Variants in ALMS1 observed in about 807,000 individuals in gnomAD.
ALMS1 encodes ALMS1 centrosome and basal body associated protein.
In ALMS1, 271 loss-of-function variants were observed where a neutral mutation model predicts 352.2. The ratio of observed to expected loss-of-function variants is 0.77; its 90% CI spans 0.70 to 0.85. The LOEUF (loss-of-function observed/expected upper bound fraction) is 0.85. Among genes scored for constraint, ALMS1 ranks in the 40% least tolerant of loss-of-function variants. The pLI is 0.00. For synonymous variants in ALMS1, 1,865 were observed against 1,761.2 expected (o/e 1.06, Z -1.48); for missense variants, 5,445 against 4,870.7 (o/e 1.12, Z -3.51).
rs765190182 is a variant in ALMS1, at chr2:73,452,530, G to C, written c.6003G>C (p.Val2001=). ...AAGAGAAACTCAAGATTTCAACTGTGCATATACCAGATGACCAGAAAACTG... is the reference window on the plus strand; with the variant it reads ...AAGAGAAACTCAAGATTTCAACTGTCCATATACCAGATGACCAGAAAACTG... ...SHKEKLKIST[V]HIPDDQKTEF... The change falls in exon 8 of 23, where the codon GTG becomes GTC. Residue 2001 remains valine (V), a synonymous_variant. Transcript: ENST00000613296. 1.9e-6 allele frequency: 3 copies of C among 1,614,014 alleles called. No individual in the cohort carries two copies. The highest frequency in any genetic ancestry group is 4.5e-5 in the East Asian group (2 of 44,872).
intron 16 of ALMS1, among the ~76,000 whole-genome samples, chr2:73,582,615 ATGCAGATTTGTCTTTTTGTGACTGAC>A (rs1241538177): frequency 1.3e-5 from 2 of 152,234 alleles, no homozygotes; most frequent in African/African-American, 4.8e-5. Context: ...GAGTGTAATC[ATGCAGATTTGTCTTTTTGTGACTGAC>A]TTGTTTCACT....
intron 16 of ALMS1, among the ~76,000 whole-genome samples, chr2:73,576,745 C>T (rs548973766): frequency 2.6e-5 from 4 of 151,804 alleles, no homozygotes; most frequent in Non-Finnish European, 4.4e-5. Context: ...TTCAGCCTCC[C>T]GAGTAGCTGG....
Position 73,609,781 on chromosome 2 carries a change from T to C in ALMS1, c.*169T>C, listed in dbSNP as rs1675899527. Reference sequence around the variant, plus strand: ...ACAAAGTGGTGATTAAAATTCCTAATGGTTTGGGAGCAATACTTTCTGCAT... The same window carrying C: ...ACAAAGTGGTGATTAAAATTCCTAACGGTTTGGGAGCAATACTTTCTGCAT... On this transcript the variant is annotated 3_prime_UTR_variant, in exon 23 of 23. Coordinates refer to ENST00000613296, the MANE Select transcript of ALMS1 (RefSeq NM_001378454.1). 2 of 690,734 alleles carry C rather than the reference T, an allele frequency of 2.9e-6. No homozygotes were observed. The highest frequency in any genetic ancestry group is 5.0e-6 in the Non-Finnish European group (2 of 397,288). The allele number at this position is 690,734 out of a possible 1,614,324, so 42.8% of individuals were successfully genotyped here. A position where few individuals can be genotyped will look rare whatever the true frequency, so the allele number is the denominator to read the frequency against.
intron 9 of ALMS1, among the ~76,000 whole-genome samples, chr2:73,474,031 CAAAG>C (rs777667128): frequency 6.6e-6 from 1 of 152,056 alleles, no homozygotes; most frequent in Non-Finnish European, 1.5e-5. Flanking sequence ...GGGTTAAACT[CAAAG>C]AGACCCACAC....
chr2:73,510,029 GCTT>G (rs1673416562), intron 10 of ALMS1, among the ~76,000 whole-genome samples: 1 of 152,092 alleles, frequency 6.6e-6, no homozygotes, highest in Non-Finnish European at 1.5e-5. Context: ...ACTTATGTAT[GCTT>G]CTCGAATTTC....
intron 1 of ALMS1, among the ~76,000 whole-genome samples, chr2:73,404,222 T>C (rs1362340720): frequency 6.6e-6 from 1 of 152,206 alleles, no homozygotes; most frequent in Non-Finnish European, 1.5e-5. Flanking sequence ...AGTGTCGATT[T>C]TAGTCTTTGG....
chr2:73,504,229 C>T (rs746505266), intron 10 of ALMS1, among the ~76,000 whole-genome samples: 3 of 152,152 alleles, frequency 2.0e-5, no homozygotes, highest in South Asian at 2.1e-4. Flanking sequence ...AAGTGGACTA[C>T]AGACGCTAAT....
intron 16 of ALMS1, among the ~76,000 whole-genome samples, chr2:73,595,215 T>G (rs933173417): frequency 5.3e-5 from 8 of 152,202 alleles, no homozygotes. Flanking sequence ...CCATTTTAAG[T>G]GTACAGTTAA....
At chr2:73,572,179 G>A in intron 15 of ALMS1, 83 bp from the exon 16 acceptor site, 3 of 1,175,176 alleles carry the variant, frequency 2.6e-6, no homozygotes, top group Non-Finnish European at 3.6e-6. Flanking sequence ...TCTTTGTTCT[G>A]TATCTAAAGA....
chr2:73,408,956 T>TC (rs1424865211), intron 2 of ALMS1, among the ~76,000 whole-genome samples: 1 of 133,314 alleles, frequency 7.5e-6, no homozygotes, highest in African/African-American at 2.7e-5. Flanking sequence ...TACTGCACCC[T>TC]CCAACTTCTA....
intron 3 of ALMS1, among the ~76,000 whole-genome samples, chr2:73,422,130 A>G (rs931623202): frequency 1.3e-5 from 2 of 152,166 alleles, no homozygotes; most frequent in Non-Finnish European, 2.9e-5. Context: ...GAAAAAGTAC[A>G]TATTTTATAA....
intron 16 of ALMS1, among the ~76,000 whole-genome samples, chr2:73,574,442 TTTATG>T (rs1675009563): frequency 6.6e-6 from 1 of 152,212 alleles, no homozygotes; most frequent in South Asian, 2.1e-4. Flanking sequence ...TTGTGTATAT[TTTATG>T]AGTACAGTAG....
At chr2:73,546,565 C>G (rs1026379680) in intron 12 of ALMS1, among the ~76,000 whole-genome samples, 2 of 152,132 alleles carry the variant, frequency 1.3e-5, no homozygotes, top group Admixed American at 6.5e-5. Context: ...TACGTAATTA[C>G]AAGTGATAAA....
intron 20 of ALMS1, among the ~76,000 whole-genome samples, 156 bp from the exon 21 acceptor site, chr2:73,603,085 A>C (rs1675734355): frequency 6.6e-6 from 1 of 152,186 alleles, no homozygotes. Flanking sequence ...CTGTTACCCT[A>C]GTCTTACACT....
rs1347076401 is a variant in ALMS1, at chr2:73,421,300, GAC to G, written c.647-1556_647-1555del. The stretch of plus-strand genomic sequence containing the variant: ...TTAACTCTAATTTTTTTTGAGAAAA[GAC>G]TGTCAGATTCTTTAAATACTCAGCC... On this transcript the variant is annotated intron_variant, in intron 3 of 22. Coordinates refer to ENST00000613296, the MANE Select transcript of ALMS1 (RefSeq NM_001378454.1). Among the ~76,000 whole-genome samples the G allele has an allele frequency of 4.6e-5, 7 of 152,160 alleles. No homozygotes were observed. In the East Asian group the frequency reaches 1.3e-3, roughly 29 times the overall value.
At chr2:73,585,630 G>A (rs1284874785) in intron 16 of ALMS1, among the ~76,000 whole-genome samples, 8 of 151,618 alleles carry the variant, frequency 5.3e-5, no homozygotes, top group Admixed American at 3.9e-4. Context: ...TCCTGACCTC[G>A]TGATCTGCCT....
In ALMS1 at chr2:73,511,869, T is replaced by C. The variant is rs117073654; in HGVS notation, c.9540-7906T>C. On this transcript the variant is annotated intron_variant, in intron 10 of 22. Coordinates refer to ENST00000613296, the MANE Select transcript of ALMS1 (RefSeq NM_001378454.1). ...ACAAAGAATTGTTTCAAAATGTCAG[T>C]GCTGAGGTTGAGAAACTGCACTAGG... Among the ~76,000 whole-genome samples, 197 of 152,268 alleles carry C rather than the reference T, an allele frequency of 1.3e-3. 5 individuals carry two copies. In the East Asian group the frequency reaches 0.033, roughly 26 times the overall value.
At chr2:73,515,543 C>A (rs2103952725) in intron 10 of ALMS1, among the ~76,000 whole-genome samples, 1 of 151,994 alleles carries the variant, frequency 6.6e-6, no homozygotes, top group East Asian at 1.9e-4. Flanking sequence ...CAAGAGCAAG[C>A]CAACCCCAAA....
chr2:73,592,020 T>G (rs116096081), intron 16 of ALMS1, among the ~76,000 whole-genome samples: 1,695 of 152,334 alleles, frequency 0.011, 30 homozygotes, highest in African/African-American at 0.038. Context: ...TTACCTTAGT[T>G]GTAATGATCA....
Sources: gnomAD v4.1 joint callset for allele counts (sites outside exome capture counted in the v4.1 genomes callset) on GRCh38, gnomAD v4.1.1 for gene constraint, MANE v1.5 for transcripts, NCBI Gene and HGNC (gene_info 2026-07-23, HGNC 2026-07-21) for gene names.